Variants in PRDM2 observed in about 807,000 individuals in gnomAD.
The protein encoded by PRDM2 is PR domain zinc finger protein 2.
Under a neutral mutation model 130.0 loss-of-function variants are expected in PRDM2, and 30 were observed. The ratio of observed to expected loss-of-function variants is 0.23; its 90% CI spans 0.17 to 0.31. The LOEUF (loss-of-function observed/expected upper bound fraction) is 0.31, where lower values mean the gene tolerates loss of function less well. Among genes scored for constraint, PRDM2 ranks in the 10% least tolerant of loss-of-function variants. The pLI is 1.00. For synonymous variants in PRDM2, 871 were observed against 782.4 expected, an observed-to-expected ratio of 1.11 and a Z score of -1.89; for missense variants, 2,011 against 2,108.4, an observed-to-expected ratio of 0.95 and a Z score of 0.90.
chr1:13,787,230 G>C, intron 8 of PRDM2: 1 of 983,816 alleles, frequency 1.0e-6, no homozygotes, highest in Non-Finnish European at 1.2e-6. Context: ...TATATTATCA[G>C]AGACTATGTA....
At chr1:13,791,472 G>C (rs932727018) in intron 8 of PRDM2, among the ~76,000 whole-genome samples, 2 of 152,128 alleles carry the variant, frequency 1.3e-5, no homozygotes, top group African/African-American at 4.8e-5. Flanking sequence ...AAAGGCCCTG[G>C]GATCCTCAAG....
At chr1:13,819,965 A>G (rs1229422079) in intron 9 of PRDM2, among the ~76,000 whole-genome samples, 2 of 152,238 alleles carry the variant, frequency 1.3e-5, no homozygotes, top group Admixed American at 6.5e-5. Flanking sequence ...AGTTCAGTCC[A>G]TAGCACTGTT....
In PRDM2 at chr1:13,779,052, A is replaced by AGTTT; in HGVS notation, c.1257_1258insGTTT (p.Pro420ValfsTer14). ...GCCATGAAGCAGGGTTAAAGCGGAA[A>AGTTT]CCCAGCCAAACACTACAGCCGTCAG... On this transcript the variant is annotated frameshift_variant, in exon 8 of 10. Coordinates refer to ENST00000311066, the MANE Select transcript of PRDM2 (RefSeq NM_001393986.1). LOFTEE classifies it high-confidence loss of function. The surrounding 1 kb of genome is among the most constrained non-coding windows in gnomAD (Gnocchi z 4.9). The AGTTT allele has an allele frequency of 6.2e-7, 1 of 1,614,200 alleles. No individual in the cohort carries two copies. The highest frequency in any genetic ancestry group is 8.5e-7 in the Non-Finnish European group (1 of 1,180,036).
intron 2 of PRDM2, among the ~76,000 whole-genome samples, chr1:13,721,593 T>C (rs777705885): frequency 6.6e-5 from 10 of 152,186 alleles, no homozygotes; most frequent in Admixed American, 3.9e-4. Flanking sequence ...TGTATTCTAC[T>C]AGATAAATTA....
intron 8 of PRDM2, among the ~76,000 whole-genome samples, chr1:13,811,385 C>T (rs754634937): frequency 2.0e-5 from 3 of 152,162 alleles, no homozygotes; most frequent in Non-Finnish European, 2.9e-5. Flanking sequence ...ACTGTGCTCG[C>T]CCCCTGCTGG....
chr1:13,816,280 C>A, intron 8 of PRDM2, 147 bp from the exon 9 acceptor site: 1 of 938,616 alleles, frequency 1.1e-6, no homozygotes, highest in Non-Finnish European at 1.6e-6. Context: ...TAGCTGATGC[C>A]AGGCACCTGG....
intron 8 of PRDM2, chr1:13,786,913 T>A: frequency 9.9e-7 from 1 of 1,012,012 alleles, no homozygotes; most frequent in South Asian, 4.4e-5. Flanking sequence ...AGCAGTAGTT[T>A]GTTGTAGGTT....
At chr1:13,722,968 T>C (rs1023955871) in intron 2 of PRDM2, 1 of 414,934 alleles carries the variant, frequency 2.4e-6, no homozygotes, top group African/African-American at 2.1e-5. Flanking sequence ...CAAACCCTCT[T>C]GTGTCATCCC....
chr1:13,763,439 A>T (rs1057259341), intron 6 of PRDM2, among the ~76,000 whole-genome samples: 4 of 152,184 alleles, frequency 2.6e-5, no homozygotes. Context: ...TAATCCCTTT[A>T]AAGTCTTTAT....
At chr1:13,707,548 G>A (rs887720427) in intron 1 of PRDM2, among the ~76,000 whole-genome samples, 1 of 152,168 alleles carries the variant, frequency 6.6e-6, no homozygotes, top group Non-Finnish European at 1.5e-5. Flanking sequence ...TACATCTAAT[G>A]TAGGGAAAAT....
chr1:13,808,849 C>A (rs960284115), intron 8 of PRDM2, among the ~76,000 whole-genome samples: 1 of 152,196 alleles, frequency 6.6e-6, no homozygotes, highest in Non-Finnish European at 1.5e-5. Flanking sequence ...AGAAACTGCC[C>A]GTGTGGGGGC....
At chr1:13,711,885 T>C (rs1284732554) in intron 1 of PRDM2, among the ~76,000 whole-genome samples, 3 of 152,142 alleles carry the variant, frequency 2.0e-5, no homozygotes, top group African/African-American at 7.2e-5. Context: ...GTTATGATCT[T>C]TCTTTTCTCT....
intron 6 of PRDM2, among the ~76,000 whole-genome samples, chr1:13,759,697 G>A (rs1644050340): frequency 6.6e-6 from 1 of 152,158 alleles, no homozygotes; most frequent in Admixed American, 6.5e-5. Context: ...TTACGCTGTG[G>A]GCAGCACCAT....
rs554491216 is a variant in PRDM2, at chr1:13,759,754, C to T, written c.511+10267C>T. 1.2e-3 allele frequency among the ~76,000 whole-genome samples: 177 copies of T among 152,264 alleles called. 3 individuals are homozygous for T. In the South Asian group the frequency reaches 0.036, roughly 31 times the overall value. On this transcript the variant is annotated intron_variant, in intron 6 of 9. Transcript: ENST00000311066. Reference sequence around the variant, plus strand: ...GATCTTTTATATGTGGAACAATCTCCTTGACTGTTTACACACGATGGACTG... The same window carrying T: ...GATCTTTTATATGTGGAACAATCTCTTTGACTGTTTACACACGATGGACTG...
chr1:13,737,879 T>C (rs1643318967), intron 4 of PRDM2, among the ~76,000 whole-genome samples: 1 of 152,222 alleles, frequency 6.6e-6, no homozygotes, highest in Non-Finnish European at 1.5e-5. Context: ...ACACCATGCT[T>C]GGCATAAAAT....
chr1:13,772,060 C>T (rs1258887032), intron 6 of PRDM2: 2 of 152,082 alleles, frequency 1.3e-5, no homozygotes, highest in African/African-American at 4.8e-5. Context: ...TTTACTAATG[C>T]AGAGATAAAA....
intron 8 of PRDM2, among the ~76,000 whole-genome samples, chr1:13,785,674 C>G (rs911452068): frequency 9.0e-6 from 1 of 111,004 alleles, no homozygotes; most frequent in Non-Finnish European, 1.7e-5. Flanking sequence ...ACCCACCCCC[C>G]ACCCCTCGCC....
intron 7 of PRDM2, among the ~76,000 whole-genome samples, chr1:13,775,547 T>C (rs1017594601): frequency 1.3e-5 from 2 of 152,172 alleles, no homozygotes; most frequent in Non-Finnish European, 2.9e-5. Context: ...GCTGTTTCTG[T>C]TTGGAAACAG....
intron 7 of PRDM2, among the ~76,000 whole-genome samples, chr1:13,776,645 A>C (rs1644481638): frequency 6.6e-6 from 1 of 152,196 alleles, no homozygotes; most frequent in South Asian, 2.1e-4. Context: ...TCACAATCAC[A>C]AGACCTCTGC....
Sources: allele counts gnomAD v4.1 joint callset (sites outside exome capture counted in the v4.1 genomes callset), GRCh38; gene constraint gnomAD v4.1.1; non-coding constraint Gnocchi (gnomAD v3.1); transcripts MANE v1.5; gene names NCBI Gene and HGNC (gene_info 2026-07-23, HGNC 2026-07-21).